KDM2B: variants seen among roughly 807,000 people sequenced by gnomAD.
KDM2B encodes lysine-specific demethylase 2B.
A neutral mutation model predicts 150.0 loss-of-function variants in KDM2B; 26 were observed. That is an observed-to-expected ratio of 0.17 (90% CI 0.13 to 0.24). KDM2B has a LOEUF of 0.24. KDM2B is among the 10% of genes least tolerant of loss of function. KDM2B has a pLI of 1.00. For missense variants in KDM2B, 1,265 were observed against 1,816.9 expected, an observed-to-expected ratio of 0.70 and a Z score of 5.52; for synonymous variants, 734 against 729.5, an observed-to-expected ratio of 1.01 and a Z score of -0.10.
chr12:121,453,073 C>A lies in KDM2B; in HGVS notation c.1959+47G>T, dbSNP rs574374639. ...CAGCGGTCAGACACGCGGGCCGGCA[C>A]GCAGGGGCCTGAATCGAGCGCAGGG... On this transcript the variant is annotated intron_variant, in intron 13 of 22. Transcript: ENST00000377071. The surrounding 1 kb of genome is among the most constrained non-coding windows in gnomAD (Gnocchi z 6.4). The A allele has an allele frequency of 1.3e-5, 19 of 1,497,922 alleles. No individual in the cohort carries two copies. The East Asian group carries it at 4.3e-4, about 34-fold the overall frequency. The allele number at this position is 1,497,922 out of a possible 1,614,324, so 92.8% of individuals were successfully genotyped here. A position where few individuals can be genotyped will look rare whatever the true frequency, so the allele number is the denominator to read the frequency against.
intron 3 of KDM2B, among the ~76,000 whole-genome samples, chr12:121,574,930 C>G (rs1353913235): frequency 1.3e-5 from 2 of 152,182 alleles, no homozygotes; most frequent in Non-Finnish European, 2.9e-5. Flanking sequence ...TGCCTGCTTT[C>G]TTTTAGGGTG....
chr12:121,546,433 A>T (rs1555310684), intron 6 of KDM2B, among the ~76,000 whole-genome samples: 1 of 116,700 alleles, frequency 8.6e-6, no homozygotes, highest in African/African-American at 3.4e-5. Context: ...CCCAGGCTGG[A>T]GTGCAGTGGC....
At chr12:121,434,389 A>G (rs1873595548) in intron 22 of KDM2B, among the ~76,000 whole-genome samples, 1 of 151,378 alleles carries the variant, frequency 6.6e-6, no homozygotes, top group Non-Finnish European at 1.5e-5. Flanking sequence ...CCAGCTACAC[A>G]GGAGGCTGAG....
chr12:121,451,056 T>C (rs903285408), intron 13 of KDM2B, among the ~76,000 whole-genome samples: 4 of 152,060 alleles, frequency 2.6e-5, no homozygotes, highest in Admixed American at 1.3e-4. Flanking sequence ...GGTCCGCTTA[T>C]ATGCCGATTT....
the KDM2B span, among the ~76,000 whole-genome samples, chr12:121,416,848 C>T: frequency 3.9e-5 from 6 of 152,186 alleles, no homozygotes; most frequent in African/African-American, 1.4e-4. Context: ...CATTCAGAGA[C>T]CCATCATATT....
At position 121,494,561 on chromosome 12, in the gene KDM2B, A is replaced by G; in HGVS notation, c.1734+18T>C. The stretch of plus-strand genomic sequence containing the variant: ...GAGGTGGGAAGCGGCCGCCCGCTGC[A>G]GGCAGGCTGCGTCTTACCTTTGGAG... On this transcript the variant is annotated intron_variant, in intron 12 of 22. Coordinates refer to ENST00000377071, the MANE Select transcript of KDM2B (RefSeq NM_032590.5). The G allele has an allele frequency of 1.2e-6, 2 of 1,604,822 alleles. No homozygotes were observed. Among genetic ancestry groups the G allele is most frequent in the Non-Finnish European group, 1.7e-6 (2 of 1,173,502 alleles).
intron 8 of KDM2B, among the ~76,000 whole-genome samples, chr12:121,523,234 T>G (rs1886844027): frequency 6.6e-6 from 1 of 152,116 alleles, no homozygotes; most frequent in South Asian, 2.1e-4. Context: ...TGCACAGGAC[T>G]GCAAGTCCCG....
chr12:121,581,766 A>C (rs932686392), upstream of KDM2B, among the ~76,000 whole-genome samples: 2 of 152,192 alleles, frequency 1.3e-5, no homozygotes, highest in Non-Finnish European at 2.9e-5. Flanking sequence ...CTGTGCTCCC[A>C]TATGGTCCCC....
At chr12:121,414,662 T>A in the KDM2B span, among the ~76,000 whole-genome samples, 1 of 151,978 alleles carries the variant, frequency 6.6e-6, no homozygotes, top group Non-Finnish European at 1.5e-5. Context: ...AATAAAAAAA[T>A]ACTTTCCTGT....
At chr12:121,478,866 T>TTGTGTGTGTG (rs71874668) in intron 12 of KDM2B, among the ~76,000 whole-genome samples, 61 of 131,192 alleles carry the variant, frequency 4.6e-4, no homozygotes, top group Non-Finnish European at 7.9e-4. Context: ...TTTTGTTTGT[T>TTGTGTGTGTG]TGTGTGTGTG....
intron 2 of KDM2B, among the ~76,000 whole-genome samples, chr12:121,577,652 T>C (rs1891592779): frequency 6.6e-6 from 1 of 152,162 alleles, no homozygotes; most frequent in Non-Finnish European, 1.5e-5. Context: ...GCACTCCAGG[T>C]TATCAGCTCA....
the KDM2B span, chr12:121,418,526 A>T: frequency 6.6e-6 from 1 of 152,322 alleles, no homozygotes; most frequent in African/African-American, 2.4e-5. Flanking sequence ...AAATTTTTTC[A>T]CGCTTAATTT....
At chr12:121,481,479 A>G (rs558216609) in intron 12 of KDM2B, among the ~76,000 whole-genome samples, 1 of 141,616 alleles carries the variant, frequency 7.1e-6, no homozygotes, top group Non-Finnish European at 1.5e-5. Flanking sequence ...ATCTGACAAC[A>G]TCGTTTGGTT....
At chr12:121,420,815 T>C in the KDM2B span, 4 of 1,509,174 alleles carry the variant, frequency 2.7e-6, no homozygotes, top group African/African-American at 4.2e-5. Flanking sequence ...TGTAGTATTT[T>C]TCCTTAGGCT....
At position 121,452,002 on chromosome 12, in the gene KDM2B, G is replaced by C. The variant is rs1555291726; in HGVS notation, c.1959+1118C>G. Reference sequence around the variant, plus strand: ...AATTGTCATATGCTTCAACATGGATGAACCCTGAGGACTTTATGCTCAGGG... The same window carrying C: ...AATTGTCATATGCTTCAACATGGATCAACCCTGAGGACTTTATGCTCAGGG... On this transcript the variant is annotated intron_variant, in intron 13 of 22. Transcript: ENST00000377071. This position sits in a 1 kb window ranked among gnomAD's most constrained non-coding sequence, Gnocchi z 4.4. Among the ~76,000 whole-genome samples the C allele has an allele frequency of 6.6e-6, 1 of 152,088 alleles. No homozygotes were observed. The highest frequency in any genetic ancestry group is 2.4e-5 in the African/African-American group (1 of 41,406).
At chr12:121,519,005 T>C (rs569798624) in intron 9 of KDM2B, among the ~76,000 whole-genome samples, 1 of 152,180 alleles carries the variant, frequency 6.6e-6, no homozygotes, top group East Asian at 1.9e-4. Flanking sequence ...GGGATGGGGA[T>C]GGTGGGCCAC....
chr12:121,445,225 C>G lies in KDM2B; in HGVS notation c.2103+50G>C, dbSNP rs569263584. 59 of 1,591,842 alleles carry G rather than the reference C, an allele frequency of 3.7e-5. No individual in the cohort carries two copies. The South Asian group carries it at 6.1e-4, about 17-fold the overall frequency. ...CCATCTCACCAGCATCTCCAGCAAC[C>G]CTACCTGCCCCAGAGCGTCAGCACC... On this transcript the variant is annotated intron_variant, in intron 14 of 22. Coordinates refer to ENST00000377071, the MANE Select transcript of KDM2B (RefSeq NM_032590.5).
rs569636924 is a variant in KDM2B, at chr12:121,519,974, C to A, written c.1047+1011G>T. On this transcript the variant is annotated intron_variant, in intron 9 of 22. Coordinates refer to ENST00000377071, the MANE Select transcript of KDM2B (RefSeq NM_032590.5). ...GTGGCGTGATCTCGGTTCACTGCAA[C>A]CTCCGCCTCCCGGGCTCAAACGACC... 3.5e-3 allele frequency among the ~76,000 whole-genome samples: 534 copies of A among 152,200 alleles called. 1 individual carries two copies. Among genetic ancestry groups the A allele is most frequent in the African/African-American group, 0.012 (509 of 41,528 alleles).
chr12:121,478,314 T>C (rs181206485), intron 12 of KDM2B, among the ~76,000 whole-genome samples: 11 of 152,036 alleles, frequency 7.2e-5, no homozygotes, highest in Non-Finnish European at 1.5e-4. Context: ...TAGGTAATGT[T>C]TTTTGATCCT....
Sources: allele counts gnomAD v4.1 joint callset (sites outside exome capture counted in the v4.1 genomes callset), GRCh38; gene constraint gnomAD v4.1.1; non-coding constraint Gnocchi (gnomAD v3.1); transcripts MANE v1.5; gene names NCBI Gene and HGNC (gene_info 2026-07-23, HGNC 2026-07-21).